Variants in NT5DC1 observed in about 807,000 individuals in gnomAD.
The protein encoded by NT5DC1 is 5'-nucleotidase domain-containing protein 1.
A neutral mutation model predicts 59.4 loss-of-function variants in NT5DC1; 42 were observed. The observed-to-expected ratio is 0.71, with a 90% CI of 0.55 to 0.92. The LOEUF is 0.92. Among genes scored for constraint, NT5DC1 ranks in the 40% least tolerant of loss-of-function variants. The probability of loss-of-function intolerance (pLI) is 0.00; values close to 1 mark genes in which losing one functional copy is unlikely to be tolerated. For missense variants in NT5DC1, 501 were observed against 537.1 expected (o/e 0.93, Z 0.66); for synonymous variants, 172 against 188.1 (o/e 0.91, Z 0.70).
intron 6 of NT5DC1, among the ~76,000 whole-genome samples, chr6:116,143,567 CT>C (rs1186955615): frequency 6.6e-6 from 1 of 152,066 alleles, no homozygotes; most frequent in Non-Finnish European, 1.5e-5. Flanking sequence ...CTACTTAAAA[CT>C]TTTTTTAATC....
chr6:116,121,343 C>A (rs144479322), intron 6 of NT5DC1: 2 of 1,613,848 alleles, frequency 1.2e-6, no homozygotes, highest in Non-Finnish European at 1.7e-6. Context: ...TTCTGGCCCT[C>A]GTTCCCCAGG....
chr6:116,138,653 CAGAAT>C, intron 6 of NT5DC1, among the ~76,000 whole-genome samples: 1 of 152,154 alleles, frequency 6.6e-6, no homozygotes, highest in Middle Eastern at 3.4e-3. Flanking sequence ...GATTAAAAGG[CAGAAT>C]AGTATGACTA....
rs1435331644 is a variant in NT5DC1 at position 116,121,486 on chromosome 6, G to T, written c.529+3541G>T. On this transcript the variant is annotated intron_variant, in intron 6 of 11. Transcript: ENST00000319550. ...CTCCAGGAGGGCCAGATGGTCCTGT[G>T]GGACCCTGAGGGCCTGGAAGACCCC... The T allele has an allele frequency of 1.9e-6, 3 of 1,613,994 alleles. No individual in the cohort carries two copies. In the South Asian group the frequency reaches 3.3e-5, roughly 18 times the overall value.
intron 8 of NT5DC1, among the ~76,000 whole-genome samples, chr6:116,227,102 T>C (rs929278333): frequency 4.6e-5 from 7 of 152,178 alleles, no homozygotes; most frequent in Admixed American, 4.6e-4. Flanking sequence ...ACCTGAAATT[T>C]TGTGTCCTTT....
intron 1 of NT5DC1, among the ~76,000 whole-genome samples, chr6:116,105,129 G>A (rs116751995): frequency 3.8e-4 from 58 of 152,266 alleles, no homozygotes; most frequent in African/African-American, 1.4e-3. Flanking sequence ...GGAGCAACTC[G>A]ATTTGACATT....
chr6:116,194,080 C>A (rs1316718432), intron 6 of NT5DC1, among the ~76,000 whole-genome samples: 1 of 151,718 alleles, frequency 6.6e-6, no homozygotes, highest in Non-Finnish European at 1.5e-5. Context: ...ATTTGGTCAA[C>A]AATAAATAAA....
At chr6:116,176,057 A>T (rs774446103) in intron 6 of NT5DC1, among the ~76,000 whole-genome samples, 6 of 152,194 alleles carry the variant, frequency 3.9e-5, no homozygotes, top group Non-Finnish European at 8.8e-5. Flanking sequence ...TTACACCTCA[A>T]AATGGACTTG....
At chr6:116,113,746 T>G (rs1182559856) in intron 4 of NT5DC1, among the ~76,000 whole-genome samples, 2 of 152,172 alleles carry the variant, frequency 1.3e-5, no homozygotes, top group Admixed American at 6.5e-5. Flanking sequence ...TTACTCAAAA[T>G]CAATAGTTCA....
Position 116,108,257 on chromosome 6 carries a change from G to GT in NT5DC1, c.186-106dup, listed in dbSNP as rs1388401428. 2.5e-5 allele frequency: 18 copies of GT among 719,532 alleles called. No individual in the cohort carries two copies. In the African/African-American group the frequency reaches 3.2e-4, roughly 13 times the overall value. 44.6% of individuals were successfully genotyped at this position (719,532 alleles called of 1,614,324 possible). A position where few individuals can be genotyped will look rare whatever the true frequency, so the allele number is the denominator to read the frequency against. ...TGTGATTAACATATCATTCCCCTGG[G>GT]TGGCAGAATCCCTTTTTAGCATTAT... is the stretch of plus-strand genomic sequence containing the variant. On this transcript the variant is annotated intron_variant, in intron 2 of 11. Transcript: ENST00000319550.
intron 9 of NT5DC1, chr6:116,237,583 T>G: frequency 2.2e-6 from 1 of 450,638 alleles, no homozygotes; most frequent in Non-Finnish European, 4.5e-6. Flanking sequence ...GCAGTCTGAC[T>G]TGCAGATGCT....
At chr6:116,106,147 GC>G in intron 1 of NT5DC1, 96 bp from the exon 2 acceptor site, 1 of 758,712 alleles carries the variant, frequency 1.3e-6, no homozygotes, top group Non-Finnish European at 2.4e-6. Flanking sequence ...CCTCCTACCT[GC>G]CCCCATCAGC....
intron 6 of NT5DC1, chr6:116,119,870 A>G (rs1779055288): frequency 1.7e-6 from 1 of 582,236 alleles, no homozygotes; most frequent in East Asian, 2.8e-5. Context: ...TGCTAACTAG[A>G]AATTCAAGAG....
intron 6 of NT5DC1, among the ~76,000 whole-genome samples, chr6:116,124,221 C>A (rs943869315): frequency 2.6e-5 from 4 of 151,906 alleles, no homozygotes; most frequent in African/African-American, 9.7e-5. Flanking sequence ...AATGGTTGTT[C>A]CCAAAAGCAT....
chr6:116,207,231 A>G (rs1165891182), intron 6 of NT5DC1, among the ~76,000 whole-genome samples: 1 of 151,994 alleles, frequency 6.6e-6, no homozygotes. Flanking sequence ...CACTCAATAA[A>G]TGGATCATAT....
At chr6:116,103,793 T>A (rs1778710664) in intron 1 of NT5DC1, among the ~76,000 whole-genome samples, 1 of 152,186 alleles carries the variant, frequency 6.6e-6, no homozygotes, top group Non-Finnish European at 1.5e-5. Flanking sequence ...GACACATGGT[T>A]TCTCCTCTCT....
chr6:116,127,269 C>T (rs1013067296), intron 6 of NT5DC1, among the ~76,000 whole-genome samples: 8 of 152,096 alleles, frequency 5.3e-5, no homozygotes, highest in Admixed American at 1.3e-4. Flanking sequence ...CTTTCTCTCC[C>T]CTTCAAGCAA....
intron 6 of NT5DC1, among the ~76,000 whole-genome samples, chr6:116,205,483 C>G (rs1297222046): frequency 6.6e-6 from 1 of 150,926 alleles, no homozygotes; most frequent in Non-Finnish European, 1.5e-5. Context: ...TGGAACTTAA[C>G]TGAGTCAGCA....
intron 2 of NT5DC1, 73 bp downstream of exon 2, chr6:116,106,408 T>C: frequency 1.4e-6 from 1 of 714,772 alleles, no homozygotes; most frequent in Middle Eastern, 2.4e-4. Context: ...GATAAAACTG[T>C]AATGCTTTCT....
At chr6:116,201,193 C>T (rs772396956) in intron 6 of NT5DC1, among the ~76,000 whole-genome samples, 11 of 151,982 alleles carry the variant, frequency 7.2e-5, no homozygotes, top group Non-Finnish European at 1.5e-4. Flanking sequence ...AGGGACAATA[C>T]ATGAGCAGAT....
Sources: gnomAD v4.1 joint callset for allele counts (sites outside exome capture counted in the v4.1 genomes callset) on GRCh38, gnomAD v4.1.1 for gene constraint, MANE v1.5 for transcripts, NCBI Gene and HGNC (gene_info 2026-07-23, HGNC 2026-07-21) for gene names.